BMS1: variants seen among roughly 807,000 people sequenced by gnomAD.
The protein encoded by BMS1 is ribosome biogenesis protein BMS1 homolog.
BMS1 carries 53 observed loss-of-function variants against 138.7 expected under a neutral mutation model. That is an observed-to-expected ratio of 0.38 (90% CI 0.31 to 0.48). BMS1 has a LOEUF of 0.48. Among genes scored for constraint, BMS1 ranks in the 20% least tolerant of loss-of-function variants. The pLI is 0.97. For synonymous variants in BMS1, 504 were observed against 539.9 expected (o/e 0.93, Z 0.92); for missense variants, 1,360 against 1,565.5 (o/e 0.87, Z 2.22).
intron 7 of BMS1, 81 bp from the exon 8 acceptor site, chr10:42,792,876 A>G: frequency 1.4e-6 from 2 of 1,472,138 alleles, no homozygotes; most frequent in Admixed American, 2.1e-5. Context: ...TGGACTGTGG[A>G]TCATATTTAA....
intron 21 of BMS1, among the ~76,000 whole-genome samples, chr10:42,828,697 T>C (rs929095181): frequency 3.9e-5 from 6 of 152,212 alleles, no homozygotes; most frequent in Admixed American, 2.6e-4. Flanking sequence ...ACTGTTGTTA[T>C]TCTCTTCACA....
At chr10:42,808,037 A>G (rs950297445) in intron 13 of BMS1, among the ~76,000 whole-genome samples, 2 of 152,196 alleles carry the variant, frequency 1.3e-5, no homozygotes, top group African/African-American at 4.8e-5. Context: ...CCCAGTGGCT[A>G]ATAATGGTGA....
intron 13 of BMS1, among the ~76,000 whole-genome samples, chr10:42,814,261 A>G (rs917605450): frequency 7.2e-5 from 11 of 152,140 alleles, no homozygotes; most frequent in African/African-American, 2.7e-4. Flanking sequence ...AGGTCCGTGC[A>G]GCTCTGTTCA....
chr10:42,821,358 T>C (rs1281799345), intron 18 of BMS1, among the ~76,000 whole-genome samples: 1 of 151,748 alleles, frequency 6.6e-6, no homozygotes, highest in East Asian at 1.9e-4. Context: ...CAGGGCAGGG[T>C]TTATTGGTCC....
At chr10:42,797,596 G>C (rs1457131762) in intron 11 of BMS1, 73 bp downstream of exon 11, 2 of 1,442,482 alleles carry the variant, frequency 1.4e-6, no homozygotes, top group Middle Eastern at 1.7e-4. Context: ...TTGGTTGGAG[G>C]ATTCGGCTGG....
rs781337297 is a variant in BMS1, at chr10:42,817,286, A to G, written c.2404-32A>G. 2.7e-6 allele frequency: 4 copies of G among 1,489,090 alleles called. No homozygotes were observed. In the South Asian group the frequency reaches 3.9e-5, roughly 14 times the overall value. 92.2% of individuals were successfully genotyped at this position (1,489,090 alleles called of 1,614,324 possible). A position where few individuals can be genotyped will look rare whatever the true frequency, so the allele number is the denominator to read the frequency against. On this transcript the variant is annotated intron_variant, in intron 14 of 22. Transcript: ENST00000374518. ...GTTTAAAGAAAAGACCTTCATAAAC[A>G]TACACAAAATTTTTTCTTCTGGAAA...
chr10:42,794,897 A>G (rs1306486035), intron 9 of BMS1, among the ~76,000 whole-genome samples: 4 of 151,976 alleles, frequency 2.6e-5, no homozygotes, highest in South Asian at 2.1e-4. Flanking sequence ...ATATCTCCCA[A>G]TGCTATCCCT....
At chr10:42,785,709 C>T (rs771403364) in intron 3 of BMS1, 37 bp downstream of exon 3, 3 of 1,594,580 alleles carry the variant, frequency 1.9e-6, no homozygotes, top group Non-Finnish European at 2.6e-6. Context: ...GTTGGCGTGG[C>T]TGTTGTCATC....
chr10:42,830,436 T>C lies in BMS1; in HGVS notation c.3618+14T>C. 6.2e-7 allele frequency: 1 copy of C among 1,601,224 alleles called. No homozygotes were observed. The highest frequency in any genetic ancestry group is 2.2e-5 in the East Asian group (1 of 44,822). The stretch of plus-strand genomic sequence containing the variant: ...CATGAAAGAAAGGTACTGTTGCCCA[T>C]GCTGTACTGCACGCTGCGTTTAGAT... On this transcript the variant is annotated intron_variant, in intron 22 of 22. Transcript: ENST00000374518.
chr10:42,798,474 A>G lies in BMS1; in HGVS notation c.2096A>G (p.Glu699Gly). 6.2e-7 allele frequency: 1 copy of G among 1,614,170 alleles called. No individual in the cohort carries two copies. The highest frequency in any genetic ancestry group is 1.1e-5 in the South Asian group (1 of 91,086). ...LRKLIYGTVT[E>G]DNEEEDDDTL... is the part of the protein sequence containing the mutation. ...GCCATGGTGTGCTCTTTAGTGACAGAAGATAATGAAGAAGAAGATGATGAT... is the reference window on the plus strand; with the variant it reads ...GCCATGGTGTGCTCTTTAGTGACAGGAGATAATGAAGAAGAAGATGATGAT... The change falls in exon 12 of 23, where the codon GAA becomes GGA. Residue 699 changes from glutamate (E) to glycine (G), a missense_variant. Glu to Gly is a moderately conservative substitution (Grantham distance 98). This residue lies in a region of BMS1 where 697 missense variants were observed against 686.2 expected (regional missense o/e 1.02). Transcript: ENST00000374518.
chr10:42,794,968 G>C (rs1841630907), intron 9 of BMS1, among the ~76,000 whole-genome samples: 2 of 151,836 alleles, frequency 1.3e-5, no homozygotes, highest in Admixed American at 1.3e-4. Context: ...CTGTGTCCAT[G>C]TGTTCTCATT....
Position 42,833,274 on chromosome 10 carries a change from T to A in BMS1, c.*2178T>A, listed in dbSNP as rs1243958562. Reference sequence around the variant, plus strand: ...GATTATTTAAACTAAAGTTAAGGAATCTCTAATGTCTGAAAGAAACAATAA... The same window carrying A: ...GATTATTTAAACTAAAGTTAAGGAAACTCTAATGTCTGAAAGAAACAATAA... On this transcript the variant is annotated 3_prime_UTR_variant, in exon 23 of 23. Coordinates refer to ENST00000374518, the MANE Select transcript of BMS1 (RefSeq NM_014753.4). The A allele has an allele frequency of 1.3e-5, 2 of 152,212 alleles. No individual in the cohort carries two copies. The highest frequency in any genetic ancestry group is 2.9e-5 in the Non-Finnish European group (2 of 68,026). The allele number at this position is 152,212 out of a possible 1,614,324, so 9.4% of individuals were successfully genotyped here.
intron 11 of BMS1, 66 bp downstream of exon 11, chr10:42,797,589 G>T: frequency 6.7e-7 from 1 of 1,500,280 alleles, no homozygotes; most frequent in Non-Finnish European, 9.3e-7. Flanking sequence ...GAGGGAATTG[G>T]TTGGAGGATT....
chr10:42,792,759 C>T, intron 7 of BMS1, 145 bp downstream of exon 7: 4 of 1,379,162 alleles, frequency 2.9e-6, no homozygotes, highest in South Asian at 2.8e-5. Context: ...TGTAGGCCTG[C>T]AAAGGTGTTA....
rs1346298310 is a variant in BMS1, at chr10:42,790,306, A to G, written c.448-17A>G. ...GTTTTGGTAGTTTCTTTGAGAAATT[A>G]TGTGTTCTGCTTTTAGGTACTGATG... On this transcript the variant is annotated splice_polypyrimidine_tract_variant and intron_variant, in intron 4 of 22. Transcript: ENST00000374518. 5.0e-6 allele frequency: 8 copies of G among 1,612,394 alleles called. No individual in the cohort carries two copies. The highest frequency in any genetic ancestry group is 2.2e-5 in the East Asian group (1 of 44,870).
chr10:42,807,694 C>G (rs1379840723), intron 13 of BMS1, among the ~76,000 whole-genome samples: 1 of 152,148 alleles, frequency 6.6e-6, no homozygotes, highest in African/African-American at 2.4e-5. Flanking sequence ...TGCTGTGTTG[C>G]TCAGGCTGAT....
intron 15 of BMS1, among the ~76,000 whole-genome samples, chr10:42,819,790 T>G (rs1417142844): frequency 2.6e-5 from 4 of 152,096 alleles, no homozygotes; most frequent in African/African-American, 7.2e-5. Flanking sequence ...TAGGTCTTTT[T>G]TTTTGGTTTT....
intron 13 of BMS1, among the ~76,000 whole-genome samples, chr10:42,809,192 T>C (rs1459372777): frequency 6.6e-6 from 1 of 152,214 alleles, no homozygotes; most frequent in Non-Finnish European, 1.5e-5. Context: ...ATTTTCAGCA[T>C]ACCAGTTGGG....
At chr10:42,800,815 C>T (rs1387378117) in intron 12 of BMS1, among the ~76,000 whole-genome samples, 1 of 152,210 alleles carries the variant, frequency 6.6e-6, no homozygotes, top group Non-Finnish European at 1.5e-5. Flanking sequence ...GTGTGAGCCA[C>T]TGCACCCAGC....
Sources: gnomAD v4.1 joint callset for allele counts (sites outside exome capture counted in the v4.1 genomes callset) on GRCh38, gnomAD v4.1.1 for gene constraint, gnomAD v4.1.1 regional missense constraint, MANE v1.5 for transcripts, NCBI Gene and HGNC (gene_info 2026-07-23, HGNC 2026-07-21) for gene names.